The following KIRREL3 variants were observed in gnomAD, a reference collection of about 807,000 sequenced individuals.
KIRREL3 encodes kin of IRRE-like protein 3.
KIRREL3 carries 36 observed loss-of-function variants against 89.7 expected under a neutral mutation model. The ratio of observed to expected loss-of-function variants is 0.40; its 90% CI spans 0.31 to 0.53. The LOEUF is 0.53. Among genes scored for constraint, KIRREL3 ranks in the 20% least tolerant of loss-of-function variants. The probability of loss-of-function intolerance (pLI) is 0.49; values close to 1 mark genes in which losing one functional copy is unlikely to be tolerated. For missense variants in KIRREL3, 864 were observed against 1,056.6 expected, an observed-to-expected ratio of 0.82 and a Z score of 2.53; for synonymous variants, 445 against 441.4, an observed-to-expected ratio of 1.01 and a Z score of -0.10.
At chr11:126,895,327 G>A (rs1425278980) in intron 1 of KIRREL3, among the ~76,000 whole-genome samples, 1 of 151,912 alleles carries the variant, frequency 6.6e-6, no homozygotes, top group Non-Finnish European at 1.5e-5. Flanking sequence ...GCCAGGCATG[G>A]TGGAGGGCAC....
rs1348936414 is a variant in KIRREL3 at position 126,492,382 on chromosome 11, G to C, written c.434-18916C>G. On this transcript the variant is annotated intron_variant, in intron 4 of 16. Coordinates refer to ENST00000525144, the MANE Select transcript of KIRREL3 (RefSeq NM_032531.4). The surrounding 1 kb of genome is among the most constrained non-coding windows in gnomAD (Gnocchi z 4.8). ...CTAAGGCAGGGGGATGGACCTGGTG[G>C]CTCTGCAAAGCCCCTCTCAGCCCCT... is the stretch of plus-strand genomic sequence containing the variant. 6.6e-6 allele frequency among the ~76,000 whole-genome samples: 1 copy of C among 152,198 alleles called. No individual in the cohort carries two copies. Among genetic ancestry groups the C allele is most frequent in the African/African-American group, 2.4e-5 (1 of 41,458 alleles).
At chr11:126,720,993 C>T (rs1948149178) in intron 1 of KIRREL3, among the ~76,000 whole-genome samples, 1 of 152,068 alleles carries the variant, frequency 6.6e-6, no homozygotes, top group Admixed American at 6.5e-5. Flanking sequence ...AACTGGGATT[C>T]CTAGGGAAGA....
rs1349055834 is a variant in KIRREL3, at chr11:126,991,261, C to G, written c.55+9194G>C. Among the ~76,000 whole-genome samples the G allele has an allele frequency of 6.6e-6, 1 of 152,110 alleles. No individual in the cohort carries two copies. The highest frequency in any genetic ancestry group is 1.5e-5 in the Non-Finnish European group (1 of 68,014). The stretch of plus-strand genomic sequence containing the variant: ...GTCAGGTTCTTCTTCTGCCTCCTGC[C>G]AGGGGCCCTCTCAGCATCTCTCCAT... On this transcript the variant is annotated intron_variant, in intron 1 of 16. Coordinates refer to ENST00000525144, the MANE Select transcript of KIRREL3 (RefSeq NM_032531.4). The surrounding 1 kb of genome is among the most constrained non-coding windows in gnomAD (Gnocchi z 5.8).
Position 126,909,920 on chromosome 11 carries a change from C to T in KIRREL3, c.55+90535G>A, listed in dbSNP as rs1946748122. ...ATAAGTTTCTCAACTCCTAATGGAC[C>T]CTGTATTAACTGAAGATGACAGGGA... is the stretch of plus-strand genomic sequence containing the variant. On this transcript the variant is annotated intron_variant, in intron 1 of 16. Coordinates refer to ENST00000525144, the MANE Select transcript of KIRREL3 (RefSeq NM_032531.4). The surrounding 1 kb of genome is among the most constrained non-coding windows in gnomAD (Gnocchi z 4.5). Among the ~76,000 whole-genome samples the T allele has an allele frequency of 6.6e-6, 1 of 151,868 alleles. No individual in the cohort carries two copies. The highest frequency in any genetic ancestry group is 6.5e-5 in the Admixed American group (1 of 15,270).
chr11:126,832,685 T>C (rs1166013754), intron 1 of KIRREL3, among the ~76,000 whole-genome samples: 1 of 152,206 alleles, frequency 6.6e-6, no homozygotes, highest in Non-Finnish European at 1.5e-5. Flanking sequence ...AGAAATGGCC[T>C]TGGACTTGCA....
rs576809500 is a variant in KIRREL3, at chr11:126,736,246, G to A, written c.56-173334C>T. Among the ~76,000 whole-genome samples, 25 of 152,284 alleles carry A rather than the reference G, an allele frequency of 1.6e-4. No individual in the cohort carries two copies. The highest frequency in any genetic ancestry group is 3.4e-4 in the African/African-American group (14 of 41,556). ...CCATTTATGGGGCCATACACTATAC[G>A]CTAGAAGTTTTACACACATTTCCTC... On this transcript the variant is annotated intron_variant, in intron 1 of 16. Transcript: ENST00000525144. The surrounding 1 kb of genome is among the most constrained non-coding windows in gnomAD (Gnocchi z 5.0).
At chr11:126,933,837 A>G (rs1756322728) in intron 1 of KIRREL3, among the ~76,000 whole-genome samples, 1 of 152,006 alleles carries the variant, frequency 6.6e-6, no homozygotes, top group African/African-American at 2.4e-5. Context: ...AAATGGAGAG[A>G]CATTCCATTT....
At chr11:126,886,186 A>G (rs1032278761) in intron 1 of KIRREL3, among the ~76,000 whole-genome samples, 1 of 152,204 alleles carries the variant, frequency 6.6e-6, no homozygotes, top group Non-Finnish European at 1.5e-5. Flanking sequence ...AGCTCTGAGG[A>G]TGCAAAGGGT....
intron 1 of KIRREL3, among the ~76,000 whole-genome samples, chr11:126,695,192 C>T (rs751142343): frequency 3.3e-5 from 5 of 152,130 alleles, no homozygotes; most frequent in Non-Finnish European, 7.4e-5. Context: ...GTTTGCCAAT[C>T]CCTGCTCTAA....
intron 1 of KIRREL3, among the ~76,000 whole-genome samples, chr11:126,648,311 T>C (rs1047244395): frequency 6.6e-6 from 1 of 152,240 alleles, no homozygotes; most frequent in Non-Finnish European, 1.5e-5. Context: ...AGTGCACTTG[T>C]GCTGGCCTCT....
At position 126,682,159 on chromosome 11, in the gene KIRREL3, G is replaced by A. The variant is rs542378198; in HGVS notation, c.56-119247C>T. 5.5e-4 allele frequency: 182 copies of A among 329,846 alleles called. 1 individual carries two copies. Among genetic ancestry groups the A allele is most frequent in the Non-Finnish European group, 9.0e-4 (150 of 167,296 alleles). 20.4% of individuals were successfully genotyped at this position (329,846 alleles called of 1,614,324 possible). A position where few individuals can be genotyped will look rare whatever the true frequency, so the allele number is the denominator to read the frequency against. On this transcript the variant is annotated intron_variant, in intron 1 of 16. Coordinates refer to ENST00000525144, the MANE Select transcript of KIRREL3 (RefSeq NM_032531.4). This position sits in a 1 kb window ranked among gnomAD's most constrained non-coding sequence, Gnocchi z 4.8. Reference sequence around the variant, plus strand: ...GTGAAGGAAGAGTGGGCATCACAGAGCTGCTGTGGAGTGTGTGCACAGATT... The same window carrying A: ...GTGAAGGAAGAGTGGGCATCACAGAACTGCTGTGGAGTGTGTGCACAGATT...
intron 1 of KIRREL3, among the ~76,000 whole-genome samples, chr11:126,799,112 G>A (rs1033030749): frequency 6.7e-6 from 1 of 150,130 alleles, no homozygotes; most frequent in Admixed American, 6.7e-5. Context: ...GTGGATGTGT[G>A]TATCTGTGTG....
rs1159337320 is a variant in KIRREL3 at position 126,946,247 on chromosome 11, G to T, written c.55+54208C>A. Among the ~76,000 whole-genome samples, 2 of 152,154 alleles carry T rather than the reference G, an allele frequency of 1.3e-5. No homozygotes were observed. Among genetic ancestry groups the T allele is most frequent in the African/African-American group, 4.8e-5 (2 of 41,428 alleles). ...TAAATCCCTTAAAACTGCAAAATGAGTGGTCATGCCCCAGACTGCGGCCTC... is the reference window on the plus strand; with the variant it reads ...TAAATCCCTTAAAACTGCAAAATGATTGGTCATGCCCCAGACTGCGGCCTC... On this transcript the variant is annotated intron_variant, in intron 1 of 16. Transcript: ENST00000525144. The surrounding 1 kb of genome is among the most constrained non-coding windows in gnomAD (Gnocchi z 4.1).
At chr11:126,524,983 G>A (rs572493129) in intron 3 of KIRREL3, among the ~76,000 whole-genome samples, 86 of 152,312 alleles carry the variant, frequency 5.6e-4, no homozygotes, top group African/African-American at 2.1e-3. Flanking sequence ...TGTATGGAGA[G>A]GCAAACCGAG....
At chr11:126,743,002 G>A (rs1949029191) in intron 1 of KIRREL3, among the ~76,000 whole-genome samples, 1 of 152,244 alleles carries the variant, frequency 6.6e-6, no homozygotes, top group South Asian at 2.1e-4. Flanking sequence ...TATCTGAGAT[G>A]AGGCCATCAG....
In KIRREL3 at chr11:126,792,357, C is replaced by T. The variant is rs188936217; in HGVS notation, c.55+208098G>A. 6.9e-4 allele frequency among the ~76,000 whole-genome samples: 105 copies of T among 152,252 alleles called. 1 individual carries two copies. Among genetic ancestry groups the T allele is most frequent in the African/African-American group, 9.6e-5 (4 of 41,536 alleles). On this transcript the variant is annotated intron_variant, in intron 1 of 16. Transcript: ENST00000525144. ...TTTATGAGATAGGTCCTATTATTACCGTTATTTTTCAGTTGAGAAAATGGT... is the reference window on the plus strand; with the variant it reads ...TTTATGAGATAGGTCCTATTATTACTGTTATTTTTCAGTTGAGAAAATGGT...
intron 1 of KIRREL3, among the ~76,000 whole-genome samples, chr11:126,961,601 C>T (rs1237652790): frequency 1.3e-5 from 2 of 152,228 alleles, no homozygotes; most frequent in Non-Finnish European, 2.9e-5. Context: ...ATCTCCATAA[C>T]ATAAAAGTTT....
chr11:126,758,048 G>T (rs1028730157), intron 1 of KIRREL3, among the ~76,000 whole-genome samples: 1 of 152,176 alleles, frequency 6.6e-6, no homozygotes, highest in Non-Finnish European at 1.5e-5. Context: ...TCCCTAATTA[G>T]CCAGAAAGAC....
Position 126,642,340 on chromosome 11 carries a change from C to T in KIRREL3, c.56-79428G>A, listed in dbSNP as rs946800635. Among the ~76,000 whole-genome samples the T allele has an allele frequency of 6.6e-6, 1 of 152,174 alleles. No individual in the cohort carries two copies. Among genetic ancestry groups the T allele is most frequent in the Non-Finnish European group, 1.5e-5 (1 of 68,032 alleles). ...CTCCCTGTAAACACTGTGGTTATGC[C>T]CACACTAGGCAATGCCTTCCTGGGA... On this transcript the variant is annotated intron_variant, in intron 1 of 16. Coordinates refer to ENST00000525144, the MANE Select transcript of KIRREL3 (RefSeq NM_032531.4). The surrounding 1 kb of genome is among the most constrained non-coding windows in gnomAD (Gnocchi z 4.9).
Sources: allele counts gnomAD v4.1 joint callset (sites outside exome capture counted in the v4.1 genomes callset), GRCh38; gene constraint gnomAD v4.1.1; non-coding constraint Gnocchi (gnomAD v3.1); transcripts MANE v1.5; gene names NCBI Gene and HGNC (gene_info 2026-07-23, HGNC 2026-07-21).